NLRP1: variants seen among roughly 807,000 people sequenced by gnomAD.
NLRP1 encodes NACHT, LRR and PYD domains-containing protein 1.
Under a neutral mutation model 136.7 loss-of-function variants are expected in NLRP1, and 94 were observed. That is an observed-to-expected ratio of 0.69 (90% CI 0.58 to 0.82). The LOEUF (loss-of-function observed/expected upper bound fraction) is 0.82, where lower values mean the gene tolerates loss of function less well. Ranked by LOEUF, NLRP1 falls within the 40% of genes least tolerant of loss-of-function variation. The probability of loss-of-function intolerance (pLI) is 0.00; values close to 1 mark genes in which losing one functional copy is unlikely to be tolerated. For missense variants in NLRP1, 1,575 were observed against 1,802.7 expected, an observed-to-expected ratio of 0.87 and a Z score of 2.29; for synonymous variants, 690 against 725.1, an observed-to-expected ratio of 0.95 and a Z score of 0.78.
At chr17:5,557,801 T>C (rs949255574) in intron 4 of NLRP1, among the ~76,000 whole-genome samples, 2 of 152,152 alleles carry the variant, frequency 1.3e-5, no homozygotes, top group African/African-American at 4.8e-5. Flanking sequence ...GGGGCAATGG[T>C]GGCACCACGG....
At chr17:5,560,688 T>C (rs1914635433) in intron 3 of NLRP1, among the ~76,000 whole-genome samples, 1 of 152,180 alleles carries the variant, frequency 6.6e-6, no homozygotes, top group Non-Finnish European at 1.5e-5. Flanking sequence ...TCTCACCGTC[T>C]CCCAGACAAC....
intron 3 of NLRP1, among the ~76,000 whole-genome samples, chr17:5,580,167 A>G (rs1056347814): frequency 6.6e-6 from 1 of 152,112 alleles, no homozygotes; most frequent in Non-Finnish European, 1.5e-5. Flanking sequence ...CCCGGGAGGC[A>G]GAGCTTGCAG....
intron 15 of NLRP1, among the ~76,000 whole-genome samples, chr17:5,516,179 A>C (rs921413168): frequency 2.0e-5 from 3 of 152,074 alleles, no homozygotes; most frequent in African/African-American, 7.2e-5. Context: ...CAGTTCAGGG[A>C]GGTGGGCACA....
Position 5,521,026 on chromosome 17 carries a change from G to A in NLRP1, c.3784-14C>T, listed in dbSNP as rs1247051508. The A allele has an allele frequency of 5.0e-6, 8 of 1,588,662 alleles. No individual in the cohort carries two copies. The highest frequency in any genetic ancestry group is 6.9e-6 in the Non-Finnish European group (8 of 1,165,968). On this transcript the variant is annotated splice_polypyrimidine_tract_variant and intron_variant, in intron 13 of 16. Transcript: ENST00000572272. ...ATCATCTATGGCCTACAGAACATAG[G>A]GAACAATGATTAAGGGAGGCTTCTG...
chr17:5,569,356 T>C (rs1309388368), intron 3 of NLRP1, among the ~76,000 whole-genome samples: 8 of 152,170 alleles, frequency 5.3e-5, no homozygotes, highest in Admixed American at 5.2e-4. Context: ...ATGGCCCAAC[T>C]GGATACTGTC....
At chr17:5,505,542 A>C (rs1324131189) in intron 15 of NLRP1, 4 of 152,318 alleles carry the variant, frequency 2.6e-5, no homozygotes, top group South Asian at 4.1e-4. Context: ...GGTCCCATCA[A>C]ACTTCACTTA....
chr17:5,564,086 G>A (rs905151959), intron 3 of NLRP1, among the ~76,000 whole-genome samples: 3 of 152,090 alleles, frequency 2.0e-5, no homozygotes, highest in Non-Finnish European at 4.4e-5. Flanking sequence ...TGTAGTAGGT[G>A]TATGTATTTA....
At position 5,553,507 on chromosome 17, in the gene NLRP1, C is replaced by T. The variant is rs143323772; in HGVS notation, c.2407G>A (p.Val803Ile). The T allele has an allele frequency of 1.3e-3, 2,048 of 1,614,114 alleles. 6 individuals are homozygous for T. Among genetic ancestry groups the T allele is most frequent in the Admixed American group, 3.1e-3 (186 of 60,022 alleles). The change falls in exon 5 of 17, where the codon GTC (valine) becomes ATC (isoleucine). Residue 803 changes from valine (V) to isoleucine (I), a missense_variant. Physicochemically the swap from Val to Ile is conservative, Grantham distance 29. Coordinates refer to ENST00000572272, the MANE Select transcript of NLRP1 (RefSeq NM_033004.4). ...TTCAGGTTTCTGGTGACCTTGAGGA[C>T]GGAGAAGAGAATCTGCCAATAGGCA... ...TDAYWQILFSVLKVTRNLKEL... is the reference protein window; with the variant it reads ...TDAYWQILFSILKVTRNLKEL...
chr17:5,514,634 C>G lies in NLRP1; in HGVS notation c.*120G>C. 6.7e-7 allele frequency: 1 copy of G among 1,498,718 alleles called. No individual in the cohort carries two copies. The highest frequency in any genetic ancestry group is 1.4e-5 in the South Asian group (1 of 73,472). 92.8% of individuals were successfully genotyped at this position (1,498,718 alleles called of 1,614,324 possible). ...GCCCAGCAAAGGCATCATCAAAGTT[C>G]CATTACTTTAGTGCTGGAAGGCAAA... is the stretch of plus-strand genomic sequence containing the variant. On this transcript the variant is annotated 3_prime_UTR_variant, in exon 17 of 17. Transcript: ENST00000572272.
intron 3 of NLRP1, among the ~76,000 whole-genome samples, chr17:5,560,940 C>T (rs1914664555): frequency 6.6e-6 from 1 of 152,246 alleles, no homozygotes; most frequent in Admixed American, 6.5e-5. Context: ...CAGGGAGGGA[C>T]CTCAGGCTCC....
intron 3 of NLRP1, among the ~76,000 whole-genome samples, chr17:5,570,266 A>G (rs1267939155): frequency 6.6e-6 from 1 of 152,172 alleles, no homozygotes; most frequent in East Asian, 1.9e-4. Flanking sequence ...ATCAGAGCTG[A>G]ACTGAATAAA....
At chr17:5,566,977 T>G (rs1428405917) in intron 3 of NLRP1, among the ~76,000 whole-genome samples, 3 of 152,146 alleles carry the variant, frequency 2.0e-5, no homozygotes, top group Non-Finnish European at 4.4e-5. Flanking sequence ...GATACAAGTA[T>G]AGTGACTTCT....
In NLRP1 at chr17:5,558,632, G is replaced by A; in HGVS notation, c.2064C>T (p.Asn688=). The change falls in exon 4 of 17, where the codon AAC becomes AAT. Residue 688 remains asparagine, a synonymous_variant. Coordinates refer to ENST00000572272, the MANE Select transcript of NLRP1 (RefSeq NM_033004.4). ...LSDEGEREME[N]IFHCRLSQGR... is the part of the protein sequence containing the mutation. ...CCTGAGACAGCCGGCAGTGAAAGAT[G>A]TTCTCCATCTCTCTCTCCCCCTCAT... 1 of 1,614,098 alleles carries A rather than the reference G, an allele frequency of 6.2e-7. No individual in the cohort carries two copies. Among genetic ancestry groups the A allele is most frequent in the Non-Finnish European group, 8.5e-7 (1 of 1,180,018 alleles).
intron 8 of NLRP1, among the ~76,000 whole-genome samples, chr17:5,534,918 A>G (rs1480941874): frequency 6.6e-6 from 1 of 152,154 alleles, no homozygotes; most frequent in East Asian, 1.9e-4. Context: ...ATCATCTGGA[A>G]GGCTTGTTAA....
intron 5 of NLRP1, among the ~76,000 whole-genome samples, chr17:5,548,040 C>T (rs1339421953): frequency 1.3e-5 from 2 of 152,166 alleles, no homozygotes; most frequent in African/African-American, 2.4e-5. Flanking sequence ...TCTTTCCACT[C>T]TCCACCCAAA....
intron 3 of NLRP1, among the ~76,000 whole-genome samples, chr17:5,571,747 T>C (rs1904380404): frequency 6.6e-6 from 1 of 152,102 alleles, no homozygotes; most frequent in South Asian, 2.1e-4. Flanking sequence ...GAGAAAGAAA[T>C]TCTAAAATTA....
At chr17:5,526,965 G>C (rs1182514340) in intron 12 of NLRP1, among the ~76,000 whole-genome samples, 3 of 152,182 alleles carry the variant, frequency 2.0e-5, no homozygotes, top group Non-Finnish European at 2.9e-5. Context: ...CAGTGCCCAA[G>C]TCCTAAATCA....
At chr17:5,576,115 C>T (rs1400350148) in intron 3 of NLRP1, among the ~76,000 whole-genome samples, 1 of 152,190 alleles carries the variant, frequency 6.6e-6, no homozygotes, top group Non-Finnish European at 1.5e-5. Flanking sequence ...CTCTGGGACA[C>T]ATTTAAAGCT....
intron 5 of NLRP1, among the ~76,000 whole-genome samples, chr17:5,549,997 T>C (rs542089286): frequency 1.3e-5 from 2 of 152,358 alleles, no homozygotes; most frequent in African/African-American, 4.8e-5. Context: ...TTGCATTACA[T>C]TGATCAATTA....
Sources: gnomAD v4.1 joint callset for allele counts (sites outside exome capture counted in the v4.1 genomes callset) on GRCh38, gnomAD v4.1.1 for gene constraint, MANE v1.5 for transcripts, NCBI Gene and HGNC (gene_info 2026-07-23, HGNC 2026-07-21) for gene names.